The following SUPT3H variants were observed in gnomAD, a reference collection of about 807,000 sequenced individuals.
The protein encoded by SUPT3H is transcription initiation protein SPT3 homolog.
Under a neutral mutation model 44.3 loss-of-function variants are expected in SUPT3H, and 44 were observed. The ratio of observed to expected loss-of-function variants is 0.99; its 90% CI spans 0.78 to 1.28. The LOEUF is 1.28. SUPT3H is among the 50% of genes most tolerant of loss of function. The probability of loss-of-function intolerance (pLI) is 0.00; values close to 1 mark genes in which losing one functional copy is unlikely to be tolerated. For missense variants in SUPT3H, 380 were observed against 387.1 expected, an observed-to-expected ratio of 0.98 and a Z score of 0.15; for synonymous variants, 124 against 125.6, an observed-to-expected ratio of 0.99 and a Z score of 0.09.
intron 1 of SUPT3H, among the ~76,000 whole-genome samples, chr6:45,376,763 A>G (rs1037632417): frequency 2.6e-5 from 4 of 152,108 alleles, no homozygotes; most frequent in African/African-American, 9.7e-5. Context: ...TTGTCCTTCA[A>G]GTAAATCTTT....
chr6:45,127,890 T>C (rs1054112943), intron 2 of SUPT3H, among the ~76,000 whole-genome samples: 7 of 152,212 alleles, frequency 4.6e-5, no homozygotes, highest in African/African-American at 9.6e-5. Context: ...TAAATTCTGA[T>C]AGGTTGTGTT....
chr6:45,159,962 G>A (rs116405935), intron 2 of SUPT3H, among the ~76,000 whole-genome samples: 15 of 152,124 alleles, frequency 9.9e-5, no homozygotes, highest in South Asian at 2.1e-4. Flanking sequence ...AAATTAATGC[G>A]AGTTATAAAC....
chr6:45,088,403 A>C (rs1045161391), intron 3 of SUPT3H, among the ~76,000 whole-genome samples: 3 of 151,980 alleles, frequency 2.0e-5, no homozygotes, highest in Non-Finnish European at 4.4e-5. Flanking sequence ...AATGTCAAAA[A>C]ATTTTTTGGC....
intron 2 of SUPT3H, among the ~76,000 whole-genome samples, chr6:45,342,920 C>T (rs1329768163): frequency 6.6e-6 from 1 of 152,108 alleles, no homozygotes; most frequent in Non-Finnish European, 1.5e-5. Flanking sequence ...AACACAAGGA[C>T]AGCAGGGGTT....
chr6:44,852,786 A>T (rs759181702), intron 10 of SUPT3H, among the ~76,000 whole-genome samples: 1 of 152,164 alleles, frequency 6.6e-6, no homozygotes, highest in Non-Finnish European at 1.5e-5. Flanking sequence ...CAAAACAAGT[A>T]ATTTGTATAA....
intron 2 of SUPT3H, among the ~76,000 whole-genome samples, chr6:45,329,030 G>A (rs942651573): frequency 6.6e-6 from 1 of 151,920 alleles, no homozygotes. Context: ...TGATCAAAAT[G>A]TTTTCTAGAG....
chr6:44,996,668 C>A (rs1781312113), intron 6 of SUPT3H, among the ~76,000 whole-genome samples: 1 of 151,854 alleles, frequency 6.6e-6, no homozygotes, highest in Non-Finnish European at 1.5e-5. Flanking sequence ...AAACAGACCA[C>A]TCCCTACTCC....
chr6:44,899,442 C>T (rs1764616893), intron 10 of SUPT3H: 1 of 151,978 alleles, frequency 6.6e-6, no homozygotes, highest in Admixed American at 6.6e-5. Flanking sequence ...AATCCCAGCG[C>T]TTTGGGAGGT....
At chr6:45,367,724 G>A (rs1795386416) in intron 1 of SUPT3H, among the ~76,000 whole-genome samples, 1 of 152,110 alleles carries the variant, frequency 6.6e-6, no homozygotes, top group African/African-American at 2.4e-5. Flanking sequence ...CATTCCATGG[G>A]ATTATCCTAT....
At chr6:45,299,486 CA>C (rs1208037262) in intron 2 of SUPT3H, among the ~76,000 whole-genome samples, 1 of 152,006 alleles carries the variant, frequency 6.6e-6, no homozygotes, top group East Asian at 1.9e-4. Flanking sequence ...TATGCACACA[CA>C]AAAATGTGTA....
At chr6:45,158,520 C>T (rs1483491934) in intron 2 of SUPT3H, among the ~76,000 whole-genome samples, 1 of 151,474 alleles carries the variant, frequency 6.6e-6, no homozygotes, top group Non-Finnish European at 1.5e-5. Context: ...GGGTTGACTC[C>T]ACCAACCTCA....
At chr6:44,942,598 A>AT (rs1180923346) in intron 9 of SUPT3H, among the ~76,000 whole-genome samples, 1 of 152,082 alleles carries the variant, frequency 6.6e-6, no homozygotes, top group African/African-American at 2.4e-5. Context: ...TTACCCAAAT[A>AT]TTTTTTTGTG....
At chr6:44,889,211 A>G (rs1762857261) in intron 10 of SUPT3H, among the ~76,000 whole-genome samples, 1 of 152,184 alleles carries the variant, frequency 6.6e-6, no homozygotes, top group Non-Finnish European at 1.5e-5. Flanking sequence ...TTATAGATTC[A>G]ATGCCATCCC....
chr6:45,138,356 C>A (rs918467349), intron 2 of SUPT3H, among the ~76,000 whole-genome samples: 2 of 152,142 alleles, frequency 1.3e-5, no homozygotes, highest in African/African-American at 4.8e-5. Context: ...CCACTCCCAG[C>A]AATCCATCCA....
At chr6:45,046,967 T>C (rs1020914061) in intron 3 of SUPT3H, among the ~76,000 whole-genome samples, 1 of 152,214 alleles carries the variant, frequency 6.6e-6, no homozygotes, top group Non-Finnish European at 1.5e-5. Context: ...TACCCATAGA[T>C]ACCTTATGTT....
At chr6:45,094,002 T>C (rs1205090528) in intron 3 of SUPT3H, among the ~76,000 whole-genome samples, 2 of 152,168 alleles carry the variant, frequency 1.3e-5, no homozygotes, top group East Asian at 3.8e-4. Flanking sequence ...AATTGGGTAT[T>C]ATCAAAAGCA....
intron 3 of SUPT3H, among the ~76,000 whole-genome samples, chr6:45,046,887 C>CAAA (rs796540683): frequency 1.2e-4 from 19 of 152,222 alleles, no homozygotes; most frequent in African/African-American, 4.6e-4. Flanking sequence ...ATAGTTAAGG[C>CAAA]TTCTTAAACT....
rs531119701 is a variant in SUPT3H, at chr6:45,224,147, T to C, written c.102-118141A>G. The stretch of plus-strand genomic sequence containing the variant: ...GAAAGACAAACATAATATATATATA[T>C]ACATATAAATGTAAATGTCATTAAA... On this transcript the variant is annotated intron_variant, in intron 2 of 10. Transcript: ENST00000371459. 2.0e-5 allele frequency among the ~76,000 whole-genome samples: 3 copies of C among 151,594 alleles called. No homozygotes were observed. In the South Asian group the frequency reaches 6.2e-4, roughly 32 times the overall value.
rs1425533634 is a variant in SUPT3H at position 45,194,662 on chromosome 6, G to T, written c.102-88656C>A. 3.3e-5 allele frequency among the ~76,000 whole-genome samples: 5 copies of T among 151,940 alleles called. No homozygotes were observed. The East Asian group carries it at 9.6e-4, about 29-fold the overall frequency. On this transcript the variant is annotated intron_variant, in intron 2 of 10. Coordinates refer to ENST00000371459, the MANE Select transcript of SUPT3H (RefSeq NM_003599.4). ...CAATCAAAAGAAGTTCTCTAAAGTG[G>T]CATCAAGGTTAATAAAAATACATTA...
Sources: allele counts gnomAD v4.1 joint callset (sites outside exome capture counted in the v4.1 genomes callset), GRCh38; gene constraint gnomAD v4.1.1; transcripts MANE v1.5; gene names NCBI Gene and HGNC (gene_info 2026-07-23, HGNC 2026-07-21).